Variants in ADGRV1 observed in about 807,000 individuals in gnomAD.
ADGRV1 encodes the protein adhesion G protein-coupled receptor V1.
In ADGRV1, 359 loss-of-function variants were observed where a neutral mutation model predicts 596.2. The ratio of observed to expected loss-of-function variants is 0.60; its 90% CI spans 0.55 to 0.66. The LOEUF is 0.66. Ranked by LOEUF, ADGRV1 falls within the 30% of genes least tolerant of loss-of-function variation. ADGRV1 has a pLI of 0.00. For missense variants in ADGRV1, 7,274 were observed against 7,575.6 expected (o/e 0.96, Z 1.48); for synonymous variants, 2,681 against 2,679.2 (o/e 1.00, Z -0.02).
In ADGRV1 at chr5:90,694,440, C is replaced by A. The variant is rs746214033; in HGVS notation, c.7684C>A (p.Gln2562Lys). The change falls in exon 33 of 90, where the codon CAG becomes AAG. Residue 2562 changes from glutamine to lysine, a missense_variant. Physicochemically the swap from Gln to Lys is moderately conservative, Grantham distance 53. This residue lies in a region of ADGRV1 where 3,643 missense variants were observed against 3,809.2 expected (regional missense o/e 0.96). Transcript: ENST00000405460. ...TTTGAAAAATCAGCCAACCATAGGACAGCCAAATATTTCTACAGTTGTCAT... is the reference window on the plus strand; with the variant it reads ...TTTGAAAAATCAGCCAACCATAGGAAAGCCAAATATTTCTACAGTTGTCAT... ...ASLKNQPTIG[Q>K]PNISTVVIAL... is the part of the protein sequence containing the mutation. The A allele has an allele frequency of 3.2e-5, 52 of 1,613,852 alleles. 1 individual carries two copies. The highest frequency in any genetic ancestry group is 8.8e-5 in the South Asian group (8 of 91,092).
At chr5:90,965,875 A>C in intron 84 of ADGRV1, among the ~76,000 whole-genome samples, 1 of 152,342 alleles carries the variant, frequency 6.6e-6, no homozygotes, top group Admixed American at 6.5e-5. Flanking sequence ...GATAAGATTT[A>C]GATTTTAGAA....
chr5:90,958,768 C>G (rs1265843217), intron 83 of ADGRV1, among the ~76,000 whole-genome samples: 1 of 152,184 alleles, frequency 6.6e-6, no homozygotes, highest in Non-Finnish European at 1.5e-5. Context: ...CTCTTCTTAA[C>G]TTAATTACCT....
intron 83 of ADGRV1, among the ~76,000 whole-genome samples, chr5:90,914,772 A>G (rs565168030): frequency 1.2e-4 from 19 of 152,312 alleles, no homozygotes; most frequent in African/African-American, 3.8e-4. Context: ...TTTATTAACA[A>G]CAACAGAAAC....
chr5:90,822,656 T>C (rs1285830654), intron 75 of ADGRV1, among the ~76,000 whole-genome samples: 2 of 152,182 alleles, frequency 1.3e-5, no homozygotes, highest in African/African-American at 4.8e-5. Flanking sequence ...TTTTTTCCAA[T>C]TCTGTGAAGA....
chr5:90,570,007 A>C (rs1756315646), intron 1 of ADGRV1, among the ~76,000 whole-genome samples: 1 of 152,076 alleles, frequency 6.6e-6, no homozygotes, highest in Non-Finnish European at 1.5e-5. Flanking sequence ...GCCATCTTTT[A>C]TATTTATCTG....
intron 11 of ADGRV1, among the ~76,000 whole-genome samples, chr5:90,641,944 C>T (rs1187464535): frequency 1.3e-5 from 2 of 152,042 alleles, no homozygotes; most frequent in Admixed American, 1.3e-4. Flanking sequence ...TTTGGAGATA[C>T]GTAGGAATTG....
intron 1 of ADGRV1, among the ~76,000 whole-genome samples, chr5:90,603,174 C>T (rs191377299): frequency 6.6e-6 from 1 of 152,304 alleles, no homozygotes; most frequent in African/African-American, 2.4e-5. Flanking sequence ...GTGGCGGATA[C>T]TGTGGTTCAA....
intron 83 of ADGRV1, among the ~76,000 whole-genome samples, chr5:90,880,943 A>G (rs768266454): frequency 1.3e-5 from 2 of 152,206 alleles, no homozygotes; most frequent in Non-Finnish European, 2.9e-5. Flanking sequence ...ACTGCATTAC[A>G]GGATTCATGG....
chr5:90,923,210 C>T (rs926140779), intron 83 of ADGRV1, among the ~76,000 whole-genome samples: 1 of 152,044 alleles, frequency 6.6e-6, no homozygotes, highest in Non-Finnish European at 1.5e-5. Flanking sequence ...TATAATTTTT[C>T]ATTATGCTGC....
rs946052843 is a variant in ADGRV1 at position 90,781,647 on chromosome 5, C to T, written c.13231+69C>T. The T allele has an allele frequency of 3.3e-5, 48 of 1,460,640 alleles. No individual in the cohort carries two copies. The South Asian group carries it at 4.9e-4, about 15-fold the overall frequency. 90.5% of individuals were successfully genotyped at this position (1,460,640 alleles called of 1,614,324 possible). The stretch of plus-strand genomic sequence containing the variant: ...TCCAAATTACATTAGTTTGAATTTC[C>T]GTGTGTAAATTGTTTTAGTTTGGTG... On this transcript the variant is annotated intron_variant, in intron 65 of 89. Transcript: ENST00000405460.
chr5:90,777,877 T>C, intron 61 of ADGRV1, 28 bp from the exon 62 acceptor site: 1 of 1,564,940 alleles, frequency 6.4e-7, no homozygotes, highest in Non-Finnish European at 8.7e-7. Flanking sequence ...CTGAAATGTA[T>C]TGGATATACA....
intron 52 of ADGRV1, among the ~76,000 whole-genome samples, chr5:90,750,253 T>C (rs1364391522): frequency 6.6e-6 from 1 of 152,200 alleles, no homozygotes; most frequent in Admixed American, 6.5e-5. Flanking sequence ...GCTTTCTGAG[T>C]ATGAATGTAA....
intron 5 of ADGRV1, 102 bp downstream of exon 5, chr5:90,622,803 C>T (rs572988724): frequency 1.8e-4 from 82 of 448,588 alleles, no homozygotes; most frequent in African/African-American, 1.4e-3. Flanking sequence ...TGCAGTGGTG[C>T]GATCTCAGCT....
intron 4 of ADGRV1, among the ~76,000 whole-genome samples, 171 bp from the exon 5 acceptor site, chr5:90,622,426 T>C (rs1169714047): frequency 6.6e-6 from 1 of 152,252 alleles, no homozygotes; most frequent in East Asian, 1.9e-4. Context: ...TTTTTAACTT[T>C]TTCAGCATTT....
intron 59 of ADGRV1, among the ~76,000 whole-genome samples, chr5:90,768,083 C>G (rs552030880): frequency 6.6e-6 from 1 of 152,234 alleles, no homozygotes; most frequent in Non-Finnish European, 1.5e-5. Context: ...ATTCTTACTG[C>G]TAGATACACT....
At chr5:90,802,638 G>T in intron 70 of ADGRV1, 101 bp from the exon 71 acceptor site, 1 of 995,180 alleles carries the variant, frequency 1.0e-6, no homozygotes, top group Admixed American at 2.3e-5. Context: ...GAAACTGTTT[G>T]CTACTAAAGC....
chr5:90,633,802 C>A (rs1765801985), intron 9 of ADGRV1, among the ~76,000 whole-genome samples: 1 of 151,712 alleles, frequency 6.6e-6, no homozygotes, highest in African/African-American at 2.4e-5. Context: ...TAATTTTTTT[C>A]TTTTTTCAAA....
intron 45 of ADGRV1, among the ~76,000 whole-genome samples, chr5:90,721,523 A>T (rs879420579): frequency 0.31 from 27,967 of 90,588 alleles, 4,468 homozygotes; most frequent in Admixed American, 0.5. Flanking sequence ...ATAAAATAAA[A>T]TAAAAATAAA....
chr5:90,874,304 C>T (rs1333003433), intron 83 of ADGRV1, among the ~76,000 whole-genome samples: 1 of 152,196 alleles, frequency 6.6e-6, no homozygotes, highest in Non-Finnish European at 1.5e-5. Flanking sequence ...TCCATTTATA[C>T]AGCATTGACT....
Sources: allele counts gnomAD v4.1 joint callset (sites outside exome capture counted in the v4.1 genomes callset), GRCh38; gene constraint gnomAD v4.1.1; regional missense constraint gnomAD v4.1.1; transcripts MANE v1.5; gene names NCBI Gene and HGNC (gene_info 2026-07-23, HGNC 2026-07-21).